Variants in SPTAN1 observed in about 807,000 individuals in gnomAD.
SPTAN1 encodes the protein spectrin alpha, non-erythrocytic 1.
Under a neutral mutation model 331.3 loss-of-function variants are expected in SPTAN1, and 61 were observed. That is an observed-to-expected ratio of 0.18 (90% CI 0.15 to 0.23). The LOEUF (loss-of-function observed/expected upper bound fraction) is 0.23, where lower values mean the gene tolerates loss of function less well. Among genes scored for constraint, SPTAN1 ranks in the 10% least tolerant of loss-of-function variants. SPTAN1 has a pLI of 1.00. For missense variants in SPTAN1, 2,043 were observed against 3,147.9 expected (o/e 0.65, Z 8.40); for synonymous variants, 1,153 against 1,173.9 (o/e 0.98, Z 0.36).
chr9:128,587,241 C>T (rs1382054291), intron 19 of SPTAN1, among the ~76,000 whole-genome samples: 1 of 152,054 alleles, frequency 6.6e-6, no homozygotes, highest in Non-Finnish European at 1.5e-5. Flanking sequence ...CGCACCATCA[C>T]ATCTGGCTAA....
chr9:128,619,564 G>C (rs1459678448), intron 44 of SPTAN1, among the ~76,000 whole-genome samples: 2 of 152,196 alleles, frequency 1.3e-5, no homozygotes, highest in African/African-American at 4.8e-5. Flanking sequence ...CTCTGAGTCT[G>C]TCTTCACTTG....
Position 128,633,378 on chromosome 9 carries a change from G to A in SPTAN1, c.*44G>A, listed in dbSNP as rs377163231. ...CACCCCTCGCTGCTTGCCCTGCGTCGCCTTGCTGCATGTCCGCTCCTCTGT... is the reference window on the plus strand; with the variant it reads ...CACCCCTCGCTGCTTGCCCTGCGTCACCTTGCTGCATGTCCGCTCCTCTGT... On this transcript the variant is annotated 3_prime_UTR_variant, in exon 57 of 57. Coordinates refer to ENST00000372739, the MANE Select transcript of SPTAN1 (RefSeq NM_001130438.3). 4.4e-5 allele frequency: 71 copies of A among 1,612,492 alleles called. No individual in the cohort carries two copies. The highest frequency in any genetic ancestry group is 2.0e-4 in the Admixed American group (12 of 59,994).
chr9:128,612,647 C>G (rs1022756098), intron 39 of SPTAN1, among the ~76,000 whole-genome samples: 7 of 152,146 alleles, frequency 4.6e-5, no homozygotes, highest in Non-Finnish European at 7.3e-5. Flanking sequence ...AGGTTTTGGC[C>G]AGGTGCAGTG....
intron 18 of SPTAN1, 129 bp downstream of exon 18, chr9:128,584,972 C>A (rs1852396095): frequency 1.8e-6 from 2 of 1,084,240 alleles, no homozygotes; most frequent in Non-Finnish European, 2.8e-6. Context: ...TCTTTCCTAA[C>A]TGTATGACCT....
chr9:128,593,549 G>A (rs906157041), intron 23 of SPTAN1: 6 of 200,100 alleles, frequency 3.0e-5, no homozygotes, highest in African/African-American at 1.2e-4. Context: ...GTTCCCGAGG[G>A]TTAGAATATT....
chr9:128,594,057 T>C, intron 23 of SPTAN1, 118 bp from the exon 24 acceptor site: 2 of 951,370 alleles, frequency 2.1e-6, no homozygotes, highest in Non-Finnish European at 3.4e-6. Flanking sequence ...GGCATCATCA[T>C]TACAAACTCG....
chr9:128,607,571 T>C (rs779604771), intron 31 of SPTAN1, 33 bp from the exon 32 acceptor site: 1 of 1,546,138 alleles, frequency 6.5e-7, no homozygotes, highest in Admixed American at 1.7e-5. Flanking sequence ...CCAGGTAATA[T>C]AATAGCTATT....
rs200959763 is a variant in SPTAN1, at chr9:128,611,865, G to A, written c.4905+20G>A. 1,852 of 1,614,022 alleles carry A rather than the reference G, an allele frequency of 1.1e-3. 30 individuals are homozygous for A. The South Asian group carries it at 0.019, about 16-fold the overall frequency. The stretch of plus-strand genomic sequence containing the variant: ...GTCAAGGTATGGCCCACCAGCTCCC[G>A]GTGCCCAGGGAGGAAGATGACCACC... On this transcript the variant is annotated intron_variant, in intron 38 of 56. Transcript: ENST00000372739.
chr9:128,577,642 T>C lies in SPTAN1; in HGVS notation c.1085+136T>C. On this transcript the variant is annotated intron_variant, in intron 8 of 56. Coordinates refer to ENST00000372739, the MANE Select transcript of SPTAN1 (RefSeq NM_001130438.3). This position sits in a 1 kb window ranked among gnomAD's most constrained non-coding sequence, Gnocchi z 4.2. ...CTACAAATGCAAATCACTTCTTACC[T>C]ATGTTCTCTCTGTTTGGAGACTGGC... The C allele has an allele frequency of 8.4e-7, 1 of 1,189,964 alleles. No individual in the cohort carries two copies. The highest frequency in any genetic ancestry group is 1.2e-6 in the Non-Finnish European group (1 of 815,476). 73.7% of individuals were successfully genotyped at this position (1,189,964 alleles called of 1,614,324 possible).
intron 27 of SPTAN1, 126 bp downstream of exon 27, chr9:128,600,241 C>G (rs1271631770): frequency 9.3e-7 from 1 of 1,073,174 alleles, no homozygotes; most frequent in African/African-American, 1.6e-5. Flanking sequence ...CTTGTTTGGG[C>G]TGGTTTCTTT....
At chr9:128,586,700 T>A (rs1048453745) in intron 19 of SPTAN1, among the ~76,000 whole-genome samples, 2 of 152,222 alleles carry the variant, frequency 1.3e-5, no homozygotes, top group African/African-American at 2.4e-5. Flanking sequence ...CTTGGTTTTT[T>A]ACTGGTTATC....
chr9:128,565,536 A>C (rs1849923425), intron 1 of SPTAN1, among the ~76,000 whole-genome samples: 1 of 152,222 alleles, frequency 6.6e-6, no homozygotes, highest in Admixed American at 6.5e-5. Flanking sequence ...AGGCACAGAC[A>C]GTGCCTTCCT....
In SPTAN1 at chr9:128,583,807, C is replaced by T; in HGVS notation, c.2031C>T (p.Ala677=). ...TELKGIKLRE[A]NQQQQFNRNV... ...CCATAGGAATAAAGCTTCGTGAAGCCAACCAGCAACAGCAATTTAATCGCA... is the reference window on the plus strand; with the variant it reads ...CCATAGGAATAAAGCTTCGTGAAGCTAACCAGCAACAGCAATTTAATCGCA... Residue 677 remains alanine, a synonymous_variant, in exon 16 of 57, where the codon GCC becomes GCT. Coordinates refer to ENST00000372739, the MANE Select transcript of SPTAN1 (RefSeq NM_001130438.3). 6.2e-7 allele frequency: 1 copy of T among 1,614,132 alleles called. No individual in the cohort carries two copies. The highest frequency in any genetic ancestry group is 8.5e-7 in the Non-Finnish European group (1 of 1,180,024).
intron 41 of SPTAN1, among the ~76,000 whole-genome samples, 158 bp downstream of exon 41, chr9:128,615,998 C>T (rs190661516): frequency 8.5e-4 from 129 of 152,206 alleles, no homozygotes; most frequent in African/African-American, 2.3e-3. Context: ...TTCTGCTTTC[C>T]GGGTTTACAG....
chr9:128,630,677 GCCA>G (rs2132053724), intron 52 of SPTAN1: 2 of 357,250 alleles, frequency 5.6e-6, no homozygotes, highest in South Asian at 5.9e-5. Flanking sequence ...ACAGATGTGT[GCCA>G]CCACATTTGG....
chr9:128,633,283 C>T lies in SPTAN1; in HGVS notation c.7383C>T (p.Leu2461=). 1.2e-6 allele frequency: 2 copies of T among 1,614,034 alleles called. No individual in the cohort carries two copies. The highest frequency in any genetic ancestry group is 8.5e-7 in the Non-Finnish European group (1 of 1,180,028). ...ACGTGGACGGCAAGGGCCGCGAGCT[C>T]CCCACCGCGTTCGACTACGTGGAGT... The part of the protein sequence containing the change: ...KPYVDGKGRE[L]PTAFDYVEFT... The change falls in exon 57 of 57, where the codon CTC becomes CTT. Residue 2461 remains leucine (L), a synonymous_variant. Coordinates refer to ENST00000372739, the MANE Select transcript of SPTAN1 (RefSeq NM_001130438.3).
chr9:128,606,073 T>TA (rs1477664009), intron 31 of SPTAN1, among the ~76,000 whole-genome samples: 3 of 151,806 alleles, frequency 2.0e-5, no homozygotes, highest in Admixed American at 1.3e-4. Flanking sequence ...GCCATATTGT[T>TA]AAAAATAAGT....
chr9:128,595,442 AC>A (rs1442079660), intron 24 of SPTAN1, among the ~76,000 whole-genome samples: 1 of 151,956 alleles, frequency 6.6e-6, no homozygotes, highest in Non-Finnish European at 1.5e-5. Flanking sequence ...TTTAATTGAA[AC>A]CTTTTTGGAC....
At chr9:128,617,594 A>C in intron 41 of SPTAN1, 46 bp from the exon 42 acceptor site, 1 of 1,613,498 alleles carries the variant, frequency 6.2e-7, no homozygotes. Context: ...ACTTGAAAGC[A>C]GGGAGGTGCA....
Sources: gnomAD v4.1 joint callset for allele counts (sites outside exome capture counted in the v4.1 genomes callset) on GRCh38, gnomAD v4.1.1 for gene constraint, Gnocchi (gnomAD v3.1) non-coding constraint, MANE v1.5 for transcripts, NCBI Gene and HGNC (gene_info 2026-07-23, HGNC 2026-07-21) for gene names.